Variants in PAN3 observed in about 807,000 individuals in gnomAD.
PAN3 encodes the protein PAN2-PAN3 deadenylation complex subunit PAN3.
A neutral mutation model predicts 96.2 loss-of-function variants in PAN3; 19 were observed. The ratio of observed to expected loss-of-function variants is 0.20; its 90% CI spans 0.14 to 0.29. The LOEUF is 0.29. Ranked by LOEUF, PAN3 falls within the 10% of genes least tolerant of loss-of-function variation. PAN3 has a pLI of 1.00. For missense variants in PAN3, 882 were observed against 1,108.1 expected (o/e 0.80, Z 2.90); for synonymous variants, 433 against 406.6 (o/e 1.06, Z -0.78).
chr13:28,154,550 A>G (rs78554771), intron 1 of PAN3, among the ~76,000 whole-genome samples: 1 of 152,078 alleles, frequency 6.6e-6, no homozygotes, highest in Admixed American at 6.6e-5. Context: ...GGTGGAGTAC[A>G]ATGGCACGAT....
Position 28,260,496 on chromosome 13 carries a change from A to G in PAN3, c.1298A>G (p.Tyr433Cys). ...IYPPTAPHVAYMQPKANAPSF... is the reference protein window; with the variant it reads ...IYPPTAPHVACMQPKANAPSF... ...CCTCCAACTGCACCTCACGTTGCTT[A>G]TATGCAACCGAAAGCAAACGCACCT... The change falls in exon 8 of 19, where the codon TAT becomes TGT. Residue 433 changes from tyrosine to cysteine, a missense_variant. Tyr to Cys is a radical substitution (Grantham distance 194). Coordinates refer to ENST00000380958, the MANE Select transcript of PAN3 (RefSeq NM_175854.8). 1 of 1,613,764 alleles carries G rather than the reference A, an allele frequency of 6.2e-7. No homozygotes were observed. Among genetic ancestry groups the G allele is most frequent in the Non-Finnish European group, 8.5e-7 (1 of 1,179,734 alleles).
chr13:28,197,368 C>T (rs1382756810), intron 5 of PAN3, 22 bp downstream of exon 5: 2 of 1,546,830 alleles, frequency 1.3e-6, no homozygotes, highest in Non-Finnish European at 1.8e-6. Flanking sequence ...TTTTATTAGA[C>T]ATTTCTTGAA....
chr13:28,242,283 G>T (rs7329100), intron 6 of PAN3, among the ~76,000 whole-genome samples: 8,900 of 152,246 alleles, frequency 0.058, 338 homozygotes, highest in South Asian at 0.15. Context: ...GCCTTTGTCA[G>T]TGCAGGCAAT....
chr13:28,271,922 T>A, intron 13 of PAN3, 59 bp from the exon 14 acceptor site: 1 of 1,194,050 alleles, frequency 8.4e-7, no homozygotes, highest in Non-Finnish European at 1.2e-6. Context: ...TTTCCATGAG[T>A]ATGCAATTTT....
chr13:28,290,336 T>C (rs1047573514), intron 18 of PAN3, among the ~76,000 whole-genome samples: 3 of 152,230 alleles, frequency 2.0e-5, no homozygotes, highest in African/African-American at 7.2e-5. Flanking sequence ...TTTGCCTTCC[T>C]TTAACTTCCT....
intron 6 of PAN3, among the ~76,000 whole-genome samples, chr13:28,234,823 C>G (rs1014126481): frequency 6.6e-6 from 1 of 151,974 alleles, no homozygotes; most frequent in African/African-American, 2.4e-5. Context: ...TTTTTGTGAT[C>G]TTCATTTTCC....
intron 5 of PAN3, among the ~76,000 whole-genome samples, chr13:28,212,867 G>T (rs1474543944): frequency 6.6e-6 from 1 of 152,096 alleles, no homozygotes; most frequent in Non-Finnish European, 1.5e-5. Flanking sequence ...TTCCTGATGG[G>T]GCTGATGGGA....
intron 1 of PAN3, among the ~76,000 whole-genome samples, chr13:28,145,007 C>T (rs1359326995): frequency 6.6e-6 from 1 of 152,062 alleles, no homozygotes; most frequent in Non-Finnish European, 1.5e-5. Flanking sequence ...CGTGAGCCAC[C>T]GCGCCTGGCC....
chr13:28,275,520 C>G (rs1448924819), intron 14 of PAN3, among the ~76,000 whole-genome samples: 1 of 152,126 alleles, frequency 6.6e-6, no homozygotes, highest in Non-Finnish European at 1.5e-5. Context: ...TAACAACAAT[C>G]TTTGGTATGC....
chr13:28,277,062 G>A, intron 14 of PAN3, among the ~76,000 whole-genome samples, 175 bp from the exon 15 acceptor site: 1 of 152,110 alleles, frequency 6.6e-6, no homozygotes, highest in East Asian at 1.9e-4. Flanking sequence ...TGGTAGAGAG[G>A]CTCGAAGTCG....
chr13:28,239,200 C>T (rs1321903551), intron 6 of PAN3, among the ~76,000 whole-genome samples: 2 of 103,616 alleles, frequency 1.9e-5, no homozygotes, highest in Non-Finnish European at 3.7e-5. Context: ...CATGCACACA[C>T]GCACACACAC....
In PAN3 at chr13:28,267,076, T is replaced by A; in HGVS notation, c.1574-19T>A. ...AGACGTCAATTAGAGTTTACTGGAG[T>A]AGAAAAATTGTCTTCCAGGTTTTCG... On this transcript the variant is annotated intron_variant, in intron 10 of 18. Coordinates refer to ENST00000380958, the MANE Select transcript of PAN3 (RefSeq NM_175854.8). 6.4e-7 allele frequency: 1 copy of A among 1,573,596 alleles called. No individual in the cohort carries two copies. The highest frequency in any genetic ancestry group is 1.1e-5 in the South Asian group (1 of 87,304).
chr13:28,204,753 A>T (rs1421285132), intron 5 of PAN3, among the ~76,000 whole-genome samples: 1 of 152,226 alleles, frequency 6.6e-6, no homozygotes, highest in Non-Finnish European at 1.5e-5. Context: ...ATAATATTGC[A>T]GGTTAAGATT....
At chr13:28,229,017 G>A (rs951586417) in intron 6 of PAN3, among the ~76,000 whole-genome samples, 7 of 152,196 alleles carry the variant, frequency 4.6e-5, no homozygotes, top group Non-Finnish European at 8.8e-5. Context: ...CATCTCTCAA[G>A]TGAGCTAGAA....
chr13:28,281,376 C>T lies in PAN3; in HGVS notation c.2381C>T (p.Pro794Leu), dbSNP rs1281960568. ...AAATTGGGAACAATCAATGAGAGGC[C>T]GGAGTAAGGATTTACAGTATTTTAC... ...LAKLGTINER[P>L]EFQKDPTWSE... is the part of the protein sequence containing the mutation. The change falls in exon 17 of 19, where the codon CCG (proline) becomes CTG (leucine). Residue 794 changes from proline (P) to leucine (L), a missense_variant. This residue lies in a region of PAN3 where 76 missense variants were observed against 171.7 expected (regional missense o/e 0.44). Transcript: ENST00000380958. 2.5e-6 allele frequency: 4 copies of T among 1,606,260 alleles called. No individual in the cohort carries two copies. Among genetic ancestry groups the T allele is most frequent in the African/African-American group, 1.3e-5 (1 of 74,758 alleles).
intron 4 of PAN3, among the ~76,000 whole-genome samples, chr13:28,184,911 G>T (rs1411730602): frequency 6.6e-6 from 1 of 151,960 alleles, no homozygotes; most frequent in African/African-American, 2.4e-5. Context: ...CCTCCATTTT[G>T]TTATTGGTCT....
At chr13:28,256,159 A>G in intron 6 of PAN3, 133 bp from the exon 7 acceptor site, 1 of 956,312 alleles carries the variant, frequency 1.0e-6, no homozygotes, top group Non-Finnish European at 1.6e-6. Flanking sequence ...AGATAAAATT[A>G]TTTCCTTCAT....
chr13:28,266,574 A>G, intron 9 of PAN3, 141 bp from the exon 10 acceptor site: 1 of 557,484 alleles, frequency 1.8e-6, no homozygotes, highest in Non-Finnish European at 2.9e-6. Context: ...TGGAATTGTA[A>G]TAAATGTTTA....
At chr13:28,215,960 G>C (rs1286883) in intron 5 of PAN3, 212,364 of 907,432 alleles carry the variant, frequency 0.23, 25,851 homozygotes, top group East Asian at 0.32. Context: ...TCTCAGGACT[G>C]TTAGTTTCAG....
Sources: gnomAD v4.1 joint callset for allele counts (sites outside exome capture counted in the v4.1 genomes callset) on GRCh38, gnomAD v4.1.1 for gene constraint, gnomAD v4.1.1 regional missense constraint, MANE v1.5 for transcripts, NCBI Gene and HGNC (gene_info 2026-07-23, HGNC 2026-07-21) for gene names.